The following PLEKHG5 variants were observed in gnomAD, a reference collection of about 807,000 sequenced individuals.
The protein encoded by PLEKHG5 is pleckstrin homology domain-containing family G member 5.
A neutral mutation model predicts 103.8 loss-of-function variants in PLEKHG5; 52 were observed. That is an observed-to-expected ratio of 0.50 (90% CI 0.40 to 0.63). PLEKHG5 has a LOEUF of 0.63. PLEKHG5 is among the 30% of genes least tolerant of loss of function. The pLI is 0.00. For synonymous variants in PLEKHG5, 592 were observed against 575.5 expected (o/e 1.03, Z -0.41); for missense variants, 1,205 against 1,347.6 (o/e 0.89, Z 1.66).
chr1:6,502,714 C>T (rs949656110), intron 1 of PLEKHG5, among the ~76,000 whole-genome samples: 7 of 152,200 alleles, frequency 4.6e-5, no homozygotes, highest in East Asian at 1.9e-4. Flanking sequence ...ACACTCCAAG[C>T]GCCAGTCCCA....
chr1:6,471,036 A>C lies in PLEKHG5; in HGVS notation c.1346T>G (p.Met449Arg), dbSNP rs1553174146. 3.7e-6 allele frequency: 6 copies of C among 1,605,516 alleles called. No homozygotes were observed. The South Asian group carries it at 5.6e-5, about 15-fold the overall frequency. The change falls in exon 13 of 21, where the codon ATG (methionine) becomes AGG (arginine). Residue 449 changes from methionine to arginine, a missense_variant. By Grantham distance (91) the Met-to-Arg change is moderately conservative. Transcript: ENST00000377728. ...CMEEEGCMEY[M>R]RGLLRDNDLF... ...GTCGTTGTCGCGCAGCAGGCCGCGC[A>C]TGTACTCCATGCAGCCCTCCTCCTC...
chr1:6,488,687 C>T (rs893159864), intron 1 of PLEKHG5, among the ~76,000 whole-genome samples: 1 of 152,102 alleles, frequency 6.6e-6, no homozygotes, highest in Non-Finnish European at 1.5e-5. Context: ...TGGGCAGGCT[C>T]CTGCATTCCC....
upstream of PLEKHG5, chr1:6,497,046 T>C (rs1456321144): frequency 2.7e-6 from 4 of 1,503,292 alleles, no homozygotes; most frequent in Non-Finnish European, 8.8e-7. This position sits in a 1 kb window ranked among gnomAD's most constrained non-coding sequence, Gnocchi z 6.1. Context: ...GACCCTGAAT[T>C]TGGCCCCCTC....
In PLEKHG5 at chr1:6,471,477, C is replaced by T; in HGVS notation, c.1281+11G>A. Reference sequence around the variant, plus strand: ...CTCAGTGCCCCCGCCTGCGCCCGGCCCCGCCCGTACCATCTTGAAGCCTTT... The same window carrying T: ...CTCAGTGCCCCCGCCTGCGCCCGGCTCCGCCCGTACCATCTTGAAGCCTTT... On this transcript the variant is annotated intron_variant, in intron 12 of 20. Transcript: ENST00000377728. 1.2e-6 allele frequency: 2 copies of T among 1,609,170 alleles called. No individual in the cohort carries two copies. Among genetic ancestry groups the T allele is most frequent in the Non-Finnish European group, 1.7e-6 (2 of 1,178,650 alleles).
intron 1 of PLEKHG5, among the ~76,000 whole-genome samples, chr1:6,514,710 G>A (rs1450118243): frequency 2.7e-5 from 4 of 150,820 alleles, no homozygotes; most frequent in South Asian, 2.1e-4. Flanking sequence ...GCAGCGAGCC[G>A]AGATCATGCC....
At chr1:6,481,336 G>A (rs1644891749) in intron 1 of PLEKHG5, among the ~76,000 whole-genome samples, 2 of 151,332 alleles carry the variant, frequency 1.3e-5, no homozygotes, top group Admixed American at 1.3e-4. Context: ...TTCGAGACCA[G>A]CCTGACCAAC....
upstream of PLEKHG5, among the ~76,000 whole-genome samples, chr1:6,495,001 G>T (rs1187614113): frequency 6.6e-6 from 1 of 152,220 alleles, no homozygotes; most frequent in African/African-American, 2.4e-5. Context: ...CTCTATGAAG[G>T]CTGGGCCATC....
chr1:6,501,321 C>T (rs113687966), upstream of PLEKHG5, among the ~76,000 whole-genome samples: 1,710 of 152,330 alleles, frequency 0.011, 38 homozygotes, highest in African/African-American at 0.039. The surrounding 1 kb of genome is among the most constrained non-coding windows in gnomAD (Gnocchi z 4.3). Context: ...CCAGCATCCT[C>T]CCATCGCTGT....
In PLEKHG5 at chr1:6,470,895, G is replaced by T; in HGVS notation, c.1393-11C>A. On this transcript the variant is annotated splice_polypyrimidine_tract_variant and intron_variant, in intron 13 of 20. Coordinates refer to ENST00000377728, the MANE Select transcript of PLEKHG5 (RefSeq NM_020631.6). ...GTGCTTCTCCGCCCACTGCGGTGGG[G>T]GAGTGGGGGCGGGCTCAGGGCAGGC... 7.1e-7 allele frequency: 1 copy of T among 1,412,554 alleles called. No homozygotes were observed. The highest frequency in any genetic ancestry group is 9.2e-7 in the Non-Finnish European group (1 of 1,086,630). 87.5% of individuals were successfully genotyped at this position (1,412,554 alleles called of 1,614,324 possible). A position where few individuals can be genotyped will look rare whatever the true frequency, so the allele number is the denominator to read the frequency against.
In PLEKHG5 at chr1:6,477,280, G is replaced by A. The variant is rs115328502; in HGVS notation, c.43+249C>T. On this transcript the variant is annotated intron_variant, in intron 2 of 20. Coordinates refer to ENST00000377728, the MANE Select transcript of PLEKHG5 (RefSeq NM_020631.6). ...TGTGGGCCACAGGCCAGGGGCAAAA[G>A]CAGCTGGGGGAGGTGAGAACCAGTG... Among the ~76,000 whole-genome samples the A allele has an allele frequency of 5.4e-3, 820 of 152,362 alleles. 9 individuals carry two copies. The highest frequency in any genetic ancestry group is 0.018 in the African/African-American group (737 of 41,576).
intron 15 of PLEKHG5, 57 bp from the exon 16 acceptor site, chr1:6,470,412 AG>A: frequency 6.2e-7 from 1 of 1,612,470 alleles, no homozygotes; most frequent in Non-Finnish European, 8.5e-7. Flanking sequence ...CATCTCAGCT[AG>A]GCATCCTCAG....
rs999306371 is a variant in PLEKHG5, at chr1:6,477,459, T to C, written c.43+70A>G. The C allele has an allele frequency of 2.6e-6, 4 of 1,530,052 alleles. No individual in the cohort carries two copies. The African/African-American group carries it at 4.1e-5, about 16-fold the overall frequency. The allele number at this position is 1,530,052 out of a possible 1,614,324, so 94.8% of individuals were successfully genotyped here. On this transcript the variant is annotated intron_variant, in intron 2 of 20. Transcript: ENST00000377728. ...CTTGTCCTTATGACGCCCTAGCACG[T>C]TTCCGACAGTTACTGAAACACTGAC...
At chr1:6,468,891 C>A (rs980491293) in intron 19 of PLEKHG5, 151 bp downstream of exon 19, 6 of 750,498 alleles carry the variant, frequency 8.0e-6, no homozygotes, top group Non-Finnish European at 1.4e-5. Flanking sequence ...CTGCCCTCCC[C>A]ACCCGGACTC....
At chr1:6,519,094 G>A (rs1360600917) in intron 1 of PLEKHG5, among the ~76,000 whole-genome samples, 1 of 152,072 alleles carries the variant, frequency 6.6e-6, no homozygotes, top group Admixed American at 6.6e-5. Context: ...CGCCTGCCTC[G>A]GCCTCCCAAA....
upstream of PLEKHG5, among the ~76,000 whole-genome samples, chr1:6,492,282 C>G (rs1025147713): frequency 6.6e-6 from 1 of 152,124 alleles, no homozygotes; most frequent in African/African-American, 2.4e-5. Flanking sequence ...CCCCTGTGGC[C>G]CAGGGCCACA....
chr1:6,509,021 G>A (rs1638404176), intron 1 of PLEKHG5, among the ~76,000 whole-genome samples: 2 of 152,340 alleles, frequency 1.3e-5, no homozygotes, highest in South Asian at 4.1e-4. Context: ...GTACAGACAG[G>A]GAGCTAGAGG....
upstream of PLEKHG5, chr1:6,496,523 G>A (rs764529582): frequency 1.9e-6 from 3 of 1,604,106 alleles, no homozygotes; most frequent in Non-Finnish European, 2.6e-6. Flanking sequence ...CCATGCAGGC[G>A]GGGTTCTGAC....
intron 20 of PLEKHG5, 105 bp downstream of exon 20, chr1:6,467,720 G>A: frequency 6.6e-7 from 1 of 1,506,086 alleles, no homozygotes; most frequent in African/African-American, 1.4e-5. Context: ...CAGGGTTCAG[G>A]CTCCCTCCGC....
rs534979853 is a variant in PLEKHG5, at chr1:6,515,432, C to T, written c.-165+4013G>A. ...GTCCCAGCTATTGGGGAGGCTGAGA[C>T]AGGAGAATCACTTGAACCCAGGAGG... On this transcript the variant is annotated intron_variant, in intron 1 of 21. Transcript: ENST00000377740. 2.0e-5 allele frequency among the ~76,000 whole-genome samples: 3 copies of T among 152,152 alleles called. No homozygotes were observed. In the East Asian group the frequency reaches 5.8e-4, roughly 29 times the overall value.
Sources: allele counts gnomAD v4.1 joint callset (sites outside exome capture counted in the v4.1 genomes callset), GRCh38; gene constraint gnomAD v4.1.1; non-coding constraint Gnocchi (gnomAD v3.1); transcripts MANE v1.5; gene names NCBI Gene and HGNC (gene_info 2026-07-23, HGNC 2026-07-21).